Variants in TASP1 observed in about 807,000 individuals in gnomAD.
TASP1 encodes the protein taspase 1.
A neutral mutation model predicts 56.6 loss-of-function variants in TASP1; 16 were observed. The ratio of observed to expected loss-of-function variants is 0.28; its 90% CI spans 0.19 to 0.43. The LOEUF (loss-of-function observed/expected upper bound fraction) is 0.43, where lower values mean the gene tolerates loss of function less well. Ranked by LOEUF, TASP1 falls within the 20% of genes least tolerant of loss-of-function variation. TASP1 has a pLI of 1.00. For missense variants in TASP1, 393 were observed against 511.6 expected, an observed-to-expected ratio of 0.77 and a Z score of 2.24; for synonymous variants, 179 against 184.2, an observed-to-expected ratio of 0.97 and a Z score of 0.23.
At chr20:13,589,658 T>C (rs146402254) in intron 4 of TASP1, among the ~76,000 whole-genome samples, 332 of 150,290 alleles carry the variant, frequency 2.2e-3, no homozygotes, top group Middle Eastern at 3.4e-3. Context: ...ATAAAGAAAA[T>C]AGGGGGAAAA....
At chr20:13,308,870 G>A in the TASP1 span, among the ~76,000 whole-genome samples, 28 of 152,078 alleles carry the variant, frequency 1.8e-4, no homozygotes, top group African/African-American at 6.3e-4. Flanking sequence ...AAGGGACCCC[G>A]AGAGAGCTCT....
At chr20:13,556,955 C>T (rs1420804002) in intron 8 of TASP1, among the ~76,000 whole-genome samples, 4 of 152,152 alleles carry the variant, frequency 2.6e-5, no homozygotes, top group Non-Finnish European at 5.9e-5. Flanking sequence ...TCTCTTTCTC[C>T]TAAAATGTAA....
rs186416184 is a variant in TASP1 at position 13,508,117 on chromosome 20, A to T, written c.874+20316T>A. On this transcript the variant is annotated intron_variant, in intron 10 of 13. Transcript: ENST00000337743. ...AACATAATACCTAGACTCCTGGAAGAGTAAAACTAAAGGAGTAAAACTCCT... is the reference window on the plus strand; with the variant it reads ...AACATAATACCTAGACTCCTGGAAGTGTAAAACTAAAGGAGTAAAACTCCT... 1.1e-4 allele frequency among the ~76,000 whole-genome samples: 16 copies of T among 151,636 alleles called. No homozygotes were observed. The East Asian group carries it at 2.3e-3, about 22-fold the overall frequency.
chr20:13,392,696 G>A (rs2041335977), intron 13 of TASP1: 2 of 540,922 alleles, frequency 3.7e-6, no homozygotes, highest in Non-Finnish European at 7.1e-6. Context: ...GAAGGCCAAA[G>A]TAAAAAGATT....
rs577714670 is a variant in TASP1, at chr20:13,555,985, G to T, written c.675+3023C>A. 3.9e-5 allele frequency among the ~76,000 whole-genome samples: 6 copies of T among 152,176 alleles called. No individual in the cohort carries two copies. In the East Asian group the frequency reaches 5.8e-4, roughly 15 times the overall value. ...TTCTATTAGCTTTGGGTGTTTAAGGGGCTATTGGCATCAAGTAATAGGTTT... is the reference window on the plus strand; with the variant it reads ...TTCTATTAGCTTTGGGTGTTTAAGGTGCTATTGGCATCAAGTAATAGGTTT... On this transcript the variant is annotated intron_variant, in intron 8 of 13. Coordinates refer to ENST00000337743, the MANE Select transcript of TASP1 (RefSeq NM_017714.3).
intron 11 of TASP1, among the ~76,000 whole-genome samples, chr20:13,455,003 A>C: frequency 6.6e-6 from 1 of 152,144 alleles, no homozygotes; most frequent in East Asian, 1.9e-4. Context: ...GCATATTTTT[A>C]CATTCTACAC....
chr20:13,299,430 A>G, the TASP1 span: 9 of 1,606,332 alleles, frequency 5.6e-6, no homozygotes, highest in East Asian at 2.2e-5. This position sits in a 1 kb window ranked among gnomAD's most constrained non-coding sequence, Gnocchi z 5.8. Flanking sequence ...GGACTACATC[A>G]AGCAGTTCCA....
chr20:13,421,969 T>TG (rs1160831617), intron 12 of TASP1, among the ~76,000 whole-genome samples: 169 of 137,054 alleles, frequency 1.2e-3, no homozygotes, highest in Non-Finnish European at 1.5e-3. Flanking sequence ...TTTTTTTTTT[T>TG]TTGACAGAGT....
At chr20:13,120,698 T>A in the TASP1 span, among the ~76,000 whole-genome samples, 1 of 152,228 alleles carries the variant, frequency 6.6e-6, no homozygotes, top group African/African-American at 2.4e-5. Context: ...AATGGTTTAG[T>A]ATGACGATAC....
chr20:13,311,594 C>T, the TASP1 span, among the ~76,000 whole-genome samples: 17,597 of 152,144 alleles, frequency 0.12, 1,177 homozygotes, highest in Admixed American at 0.18. Context: ...TTATGAGATG[C>T]TAGTCAGCTT....
chr20:13,436,234 T>C (rs1054031013), intron 11 of TASP1, among the ~76,000 whole-genome samples: 1 of 151,710 alleles, frequency 6.6e-6, no homozygotes, highest in Non-Finnish European at 1.5e-5. Context: ...GGGTACAGGG[T>C]AGAGAGGATA....
intron 1 of TASP1, among the ~76,000 whole-genome samples, chr20:13,638,252 G>T (rs1011974257): frequency 6.6e-6 from 1 of 151,930 alleles, no homozygotes; most frequent in African/African-American, 2.4e-5. Flanking sequence ...CAATCTAATG[G>T]CCCCTAACAC....
the TASP1 span, among the ~76,000 whole-genome samples, chr20:13,331,785 CTTCT>C: frequency 6.6e-6 from 1 of 151,588 alleles, no homozygotes; most frequent in Non-Finnish European, 1.5e-5. Flanking sequence ...ACTTTACTCC[CTTCT>C]TTATTTTCCG....
chr20:13,146,782 T>C, the TASP1 span, among the ~76,000 whole-genome samples: 1 of 152,136 alleles, frequency 6.6e-6, no homozygotes, highest in Admixed American at 6.5e-5. Flanking sequence ...TACTTTTCAT[T>C]TGTGAAGTGT....
chr20:13,135,502 T>G, the TASP1 span, among the ~76,000 whole-genome samples: 1 of 152,348 alleles, frequency 6.6e-6, no homozygotes, highest in South Asian at 2.1e-4. Context: ...TATTAGATAT[T>G]AAGATTCTTG....
the TASP1 span, among the ~76,000 whole-genome samples, chr20:13,382,904 G>A: frequency 1.3e-5 from 2 of 152,194 alleles, no homozygotes; most frequent in African/African-American, 2.4e-5. Flanking sequence ...GCTGGAGGGG[G>A]TGTGGTTAGG....
the TASP1 span, among the ~76,000 whole-genome samples, chr20:13,309,035 A>G: frequency 1.3e-5 from 2 of 152,208 alleles, no homozygotes; most frequent in African/African-American, 4.8e-5. Context: ...TTTATAGGCC[A>G]CTCAGTCTAT....
the TASP1 span, among the ~76,000 whole-genome samples, chr20:13,375,592 T>C: frequency 6.6e-6 from 1 of 152,238 alleles, no homozygotes; most frequent in Non-Finnish European, 1.5e-5. Context: ...CCTTTGGGTA[T>C]ATACCCAGTA....
chr20:13,624,528 A>G (rs1380666655), intron 3 of TASP1, among the ~76,000 whole-genome samples: 5 of 152,274 alleles, frequency 3.3e-5, no homozygotes, highest in Non-Finnish European at 5.9e-5. Flanking sequence ...GCAGAGAGAG[A>G]GAGACGCATA....
Sources: gnomAD v4.1 joint callset for allele counts (sites outside exome capture counted in the v4.1 genomes callset) on GRCh38, gnomAD v4.1.1 for gene constraint, Gnocchi (gnomAD v3.1) non-coding constraint, MANE v1.5 for transcripts, NCBI Gene and HGNC (gene_info 2026-07-23, HGNC 2026-07-21) for gene names.